FKBP2: variants seen among roughly 807,000 people sequenced by gnomAD.
The protein encoded by FKBP2 is peptidyl-prolyl cis-trans isomerase FKBP2.
Under a neutral mutation model 19.4 loss-of-function variants are expected in FKBP2, and 15 were observed. The ratio of observed to expected loss-of-function variants is 0.77; its 90% CI spans 0.52 to 1.19. The LOEUF (loss-of-function observed/expected upper bound fraction) is 1.19. FKBP2 is among the 50% of genes most tolerant of loss of function. FKBP2 has a pLI of 0.00. For missense variants in FKBP2, 170 were observed against 179.0 expected (o/e 0.95, Z 0.29); for synonymous variants, 76 against 74.8 (o/e 1.02, Z -0.08).
downstream of FKBP2, chr11:64,244,135 AG>A: frequency 7.9e-7 from 1 of 1,258,746 alleles, no homozygotes; most frequent in Non-Finnish European, 1.1e-6. Flanking sequence ...AAGCCCAAGG[AG>A]TAAGCCTGTG....
chr11:64,242,423 G>A lies in FKBP2; in HGVS notation c.36G>A (p.Leu12=). ...RLSWFRVLTV[L]SICLSAVATA... ...GCTGGTTCCGGGTCCTGACAGTACT[G>A]TCCATCTGCCTGAGCGCCGTGGCCA... Residue 12 remains leucine, a synonymous_variant, in exon 2 of 6, where the codon CTG becomes CTA. Coordinates refer to ENST00000309366, the MANE Select transcript of FKBP2 (RefSeq NM_004470.4). 2 of 1,557,196 alleles carry A rather than the reference G, an allele frequency of 1.3e-6. No individual in the cohort carries two copies. Among genetic ancestry groups the A allele is most frequent in the Non-Finnish European group, 1.7e-6 (2 of 1,156,170 alleles).
At position 64,243,493 on chromosome 11, in the gene FKBP2, G is replaced by A. The variant is rs758211697; in HGVS notation, c.327G>A (p.Glu109=). 3.1e-6 allele frequency: 5 copies of A among 1,613,680 alleles called. No individual in the cohort carries two copies. Among genetic ancestry groups the A allele is most frequent in the Admixed American group, 3.3e-5 (2 of 60,010 alleles). Residue 109 remains glutamate, a synonymous_variant, in exon 4 of 6, where the codon GAG becomes GAA. Coordinates refer to ENST00000309366, the MANE Select transcript of FKBP2 (RefSeq NM_004470.4). ...AGCGCAAGCTGGTGATCCCATCCGA[G>A]CTAGGTAAGAGGCCCCTCCTGAGGG... is the stretch of plus-strand genomic sequence containing the variant. ...GEKRKLVIPS[E]LGYGERGAPP...
At chr11:64,243,594 A>G (rs1323789940) in intron 4 of FKBP2, 97 bp downstream of exon 4, 9 of 1,448,752 alleles carry the variant, frequency 6.2e-6, no homozygotes, top group African/African-American at 1.4e-5. Flanking sequence ...CACCGTATCC[A>G]TTCATTACAA....
chr11:64,243,877 G>T lies in FKBP2; in HGVS notation c.367+1G>T. ...CGGGGAGCTCCCCCAAAGATTCCAG[G>T]TAGTAAACCTTTTGATACCTCCCAT... On this transcript the variant is annotated splice_donor_variant, in intron 5 of 5. Transcript: ENST00000309366. LOFTEE classifies it high-confidence loss of function. 6.2e-7 allele frequency: 1 copy of T among 1,614,122 alleles called. No individual in the cohort carries two copies. Among genetic ancestry groups the T allele is most frequent in the Non-Finnish European group, 8.5e-7 (1 of 1,179,988 alleles).
Position 64,243,312 on chromosome 11 carries a change from G to A in FKBP2, c.284+1G>A. The A allele has an allele frequency of 6.2e-7, 1 of 1,602,506 alleles. No homozygotes were observed. The highest frequency in any genetic ancestry group is 1.1e-5 in the South Asian group (1 of 89,458). On this transcript the variant is annotated splice_donor_variant, in intron 3 of 5. Coordinates refer to ENST00000309366, the MANE Select transcript of FKBP2 (RefSeq NM_004470.4). LOFTEE classifies it high-confidence loss of function. ...AGGGCTGGGACCAGGGGCTGCTGGG[G>A]TGAGTCATGGGGGAATGGGCTTGGG...
At chr11:64,241,710 C>T (rs1008472960) in intron 1 of FKBP2, 2 of 151,908 alleles carry the variant, frequency 1.3e-5, no homozygotes, top group Non-Finnish European at 2.9e-5. Flanking sequence ...GGTGGCCGGG[C>T]TTGGGGACGC....
At chr11:64,242,632 C>T in intron 2 of FKBP2, 74 bp downstream of exon 2, 3 of 1,453,632 alleles carry the variant, frequency 2.1e-6, no homozygotes, top group Middle Eastern at 2.0e-4. Context: ...GAGTCTGGTT[C>T]TCCATAAGCC....
chr11:64,243,538 G>A (rs749653221), intron 4 of FKBP2, 41 bp downstream of exon 4: 4 of 1,609,120 alleles, frequency 2.5e-6, no homozygotes, highest in South Asian at 1.1e-5. Flanking sequence ...AGTTTGGGGT[G>A]TGTGACTGGG....
At position 64,243,469 on chromosome 11, in the gene FKBP2, G is replaced by T. The variant is rs2030685401; in HGVS notation, c.303G>T (p.Lys101Asn). Residue 101 changes from lysine to asparagine, a missense_variant, in exon 4 of 6, where the codon AAG becomes AAT. Lys to Asn is a moderately conservative substitution (Grantham distance 94, BLOSUM62 0). Coordinates refer to ENST00000309366, the MANE Select transcript of FKBP2 (RefSeq NM_004470.4). Reference protein sequence around the residue: ...QGLLGMCEGEKRKLVIPSELG... With the variant: ...QGLLGMCEGENRKLVIPSELG... ...CCTGCAGGATGTGTGAGGGGGAAAA[G>T]CGCAAGCTGGTGATCCCATCCGAGC... 1 of 1,614,012 alleles carries T rather than the reference G, an allele frequency of 6.2e-7. No individual in the cohort carries two copies. The highest frequency in any genetic ancestry group is 8.5e-7 in the Non-Finnish European group (1 of 1,180,000).
Position 64,244,057 on chromosome 11 carries a change from GC to G in FKBP2, c.*33del. On this transcript the variant is annotated 3_prime_UTR_variant, in exon 6 of 6. Coordinates refer to ENST00000309366, the MANE Select transcript of FKBP2 (RefSeq NM_004470.4). ...AGACTGGGGAGGGGCAGGGGGAGAG[GC>G]CCCCATCAGGGACCAGACTGTTCCA... The G allele has an allele frequency of 6.2e-7, 1 of 1,608,804 alleles. No homozygotes were observed. Among genetic ancestry groups the G allele is most frequent in the Non-Finnish European group, 8.5e-7 (1 of 1,175,878 alleles).
At chr11:64,243,052 A>G in intron 2 of FKBP2, 147 bp from the exon 3 acceptor site, 1 of 683,728 alleles carries the variant, frequency 1.5e-6, no homozygotes. Flanking sequence ...AGCCATGGCA[A>G]CAGAGACTCC....
At chr11:64,242,289 C>G in intron 1 of FKBP2, 95 bp from the exon 2 acceptor site, 1 of 1,223,708 alleles carries the variant, frequency 8.2e-7, no homozygotes, top group Non-Finnish European at 1.1e-6. Flanking sequence ...AAGGAAGATA[C>G]AGTGGCGGTG....
At chr11:64,243,134 C>A in intron 2 of FKBP2, 65 bp from the exon 3 acceptor site, 3 of 1,444,664 alleles carry the variant, frequency 2.1e-6, no homozygotes, top group South Asian at 1.2e-5. Context: ...ATGGGGAAAG[C>A]AGCTGAGGGA....
chr11:64,242,689 C>G (rs113350850), intron 2 of FKBP2, 131 bp downstream of exon 2: 1 of 1,019,516 alleles, frequency 9.8e-7, no homozygotes, highest in Non-Finnish European at 1.4e-6. Flanking sequence ...AAGCCAGTTT[C>G]CATGGTTCTG....
Position 64,244,049 on chromosome 11 carries a change from G to A in FKBP2, c.*20G>A. The A allele has an allele frequency of 1.2e-6, 2 of 1,613,276 alleles. No homozygotes were observed. The highest frequency in any genetic ancestry group is 1.1e-5 in the South Asian group (1 of 91,036). The stretch of plus-strand genomic sequence containing the variant: ...CTGTAACCAGACTGGGGAGGGGCAG[G>A]GGGAGAGGCCCCCATCAGGGACCAG... On this transcript the variant is annotated 3_prime_UTR_variant, in exon 6 of 6. Transcript: ENST00000309366.
chr11:64,243,346 C>T lies in FKBP2; in HGVS notation c.284+35C>T, dbSNP rs369131574. On this transcript the variant is annotated intron_variant, in intron 3 of 5. Transcript: ENST00000309366. ...GGGGGAATGGGCTTGGGAGTGGGGGCGTGCATGGCCACCGCCCAGGAGGTA... is the reference window on the plus strand; with the variant it reads ...GGGGGAATGGGCTTGGGAGTGGGGGTGTGCATGGCCACCGCCCAGGAGGTA... 2.9e-5 allele frequency: 46 copies of T among 1,596,956 alleles called. 1 individual carries two copies. In the African/African-American group the frequency reaches 3.1e-4, roughly 11 times the overall value.
intron 1 of FKBP2, 25 bp from the exon 2 acceptor site, chr11:64,242,359 G>T: frequency 6.8e-7 from 1 of 1,471,578 alleles, no homozygotes; most frequent in South Asian, 1.4e-5. Flanking sequence ...ACGTTCAGTC[G>T]GTCGGTCGGG....
Position 64,243,475 on chromosome 11 carries a change from G to T in FKBP2, c.309G>T (p.Lys103Asn). Residue 103 changes from lysine (K) to asparagine (N), a missense_variant, in exon 4 of 6, where the codon AAG becomes AAT. Physicochemically the swap from Lys to Asn is moderately conservative, Grantham distance 94. Transcript: ENST00000309366. ...GGATGTGTGAGGGGGAAAAGCGCAA[G>T]CTGGTGATCCCATCCGAGCTAGGTA... is the stretch of plus-strand genomic sequence containing the variant. Reference protein sequence around the residue: ...LLGMCEGEKRKLVIPSELGYG... With the variant: ...LLGMCEGEKRNLVIPSELGYG... 1 of 1,614,002 alleles carries T rather than the reference G, an allele frequency of 6.2e-7. No individual in the cohort carries two copies. Among genetic ancestry groups the T allele is most frequent in the Non-Finnish European group, 8.5e-7 (1 of 1,180,024 alleles).
At position 64,244,114 on chromosome 11, in the gene FKBP2, A is replaced by C. The variant is rs2030753922; in HGVS notation, c.*85A>C. 3 of 1,463,246 alleles carry C rather than the reference A, an allele frequency of 2.1e-6. No individual in the cohort carries two copies. The highest frequency in any genetic ancestry group is 2.9e-5 in the African/African-American group (2 of 69,028). 90.6% of individuals were successfully genotyped at this position (1,463,246 alleles called of 1,614,324 possible). A position where few individuals can be genotyped will look rare whatever the true frequency, so the allele number is the denominator to read the frequency against. ...AAAACAAAAAACAAAAACAAACAAA[A>C]AAACACTTAAAAGCCCAAGGAGTAA... On this transcript the variant is annotated 3_prime_UTR_variant, in exon 6 of 6. Transcript: ENST00000309366.
Sources: allele counts gnomAD v4.1 joint callset, GRCh38; gene constraint gnomAD v4.1.1; transcripts MANE v1.5; gene names NCBI Gene and HGNC (gene_info 2026-07-23, HGNC 2026-07-21).